Variants in HS3ST4 observed in about 807,000 individuals in gnomAD.
The protein encoded by HS3ST4 is heparan sulfate glucosamine 3-O-sulfotransferase 4.
HS3ST4 carries 17 observed loss-of-function variants against 29.2 expected under a neutral mutation model. That is an observed-to-expected ratio of 0.58 (90% CI 0.40 to 0.87). The LOEUF is 0.87. HS3ST4 is among the 40% of genes least tolerant of loss of function. The pLI, the probability that HS3ST4 is intolerant of heterozygous loss-of-function variation, is 0.00. For synonymous variants in HS3ST4, 314 were observed against 285.7 expected, an observed-to-expected ratio of 1.10 and a Z score of -1.00; for missense variants, 627 against 634.5, an observed-to-expected ratio of 0.99 and a Z score of 0.13.
chr16:25,802,121 CAT>C (rs1290791855), intron 1 of HS3ST4, among the ~76,000 whole-genome samples: 2 of 151,670 alleles, frequency 1.3e-5, no homozygotes, highest in Admixed American at 6.6e-5. Context: ...CAGCAAATAA[CAT>C]ATTAAAAATT....
intron 1 of HS3ST4, among the ~76,000 whole-genome samples, chr16:26,120,235 C>G (rs1337157183): frequency 6.6e-6 from 1 of 152,130 alleles, no homozygotes; most frequent in African/African-American, 2.4e-5. Context: ...CATCATTTCT[C>G]CCTCTGTTAT....
intron 1 of HS3ST4, among the ~76,000 whole-genome samples, chr16:25,948,496 A>C (rs897334864): frequency 6.6e-6 from 1 of 152,094 alleles, no homozygotes; most frequent in African/African-American, 2.4e-5. Flanking sequence ...AATTCCAGTC[A>C]TACATGGTCC....
At chr16:26,052,906 A>G in intron 1 of HS3ST4, among the ~76,000 whole-genome samples, 1 of 152,212 alleles carries the variant, frequency 6.6e-6, no homozygotes, top group Non-Finnish European at 1.5e-5. Flanking sequence ...GGGGATTTCC[A>G]ATTTACTAAA....
chr16:26,026,539 A>T (rs1306973725), intron 1 of HS3ST4, among the ~76,000 whole-genome samples: 2 of 152,166 alleles, frequency 1.3e-5, no homozygotes, highest in African/African-American at 4.8e-5. Flanking sequence ...CATGAAACAG[A>T]TACAGCAATA....
chr16:25,856,517 A>G (rs1967575437), intron 1 of HS3ST4, among the ~76,000 whole-genome samples: 1 of 152,186 alleles, frequency 6.6e-6, no homozygotes, highest in African/African-American at 2.4e-5. Flanking sequence ...GGAGAATGCT[A>G]TGTCCAGAGA....
chr16:26,077,598 T>C (rs905656529), intron 1 of HS3ST4, among the ~76,000 whole-genome samples: 2 of 152,266 alleles, frequency 1.3e-5, no homozygotes, highest in Admixed American at 6.5e-5. Context: ...GAATATCAGC[T>C]CCATGAAAGC....
chr16:26,002,792 A>G (rs140512143), intron 1 of HS3ST4, among the ~76,000 whole-genome samples: 1,853 of 151,992 alleles, frequency 0.012, 44 homozygotes, highest in African/African-American at 0.043. Context: ...AAAGAAAGAA[A>G]AAGAAAGAAG....
rs370800593 is a variant in HS3ST4, at chr16:25,769,620, C to T, written c.734+76469C>T. ...TGTTCCGGCACCAGCACCCTTCCTA[C>T]GGAAAGGATTTGAAAAGGAAGCCTT... On this transcript the variant is annotated intron_variant, in intron 1 of 1. Coordinates refer to ENST00000331351, the MANE Select transcript of HS3ST4 (RefSeq NM_006040.3). Among the ~76,000 whole-genome samples the T allele has an allele frequency of 4.3e-4, 65 of 152,276 alleles. 2 individuals carry two copies. The South Asian group carries it at 0.01, about 24-fold the overall frequency.
chr16:25,956,207 A>G (rs1164296646), intron 1 of HS3ST4, among the ~76,000 whole-genome samples: 1 of 152,232 alleles, frequency 6.6e-6, no homozygotes, highest in Non-Finnish European at 1.5e-5. Context: ...CTTCAACAAC[A>G]TGAAACATTG....
In HS3ST4 at chr16:25,757,998, C is replaced by T. The variant is rs189726585; in HGVS notation, c.734+64847C>T. ...AAGCGGCACACAATCCCTGTGTGTG[C>T]CTTCTCCCCTGCCTCTCTCCAGAGC... On this transcript the variant is annotated intron_variant, in intron 1 of 1. Coordinates refer to ENST00000331351, the MANE Select transcript of HS3ST4 (RefSeq NM_006040.3). 2.5e-3 allele frequency among the ~76,000 whole-genome samples: 378 copies of T among 152,148 alleles called. 2 individuals are homozygous for T. The highest frequency in any genetic ancestry group is 8.7e-3 in the African/African-American group (362 of 41,530).
intron 1 of HS3ST4, among the ~76,000 whole-genome samples, chr16:25,839,193 G>T (rs976473860): frequency 8.5e-5 from 13 of 152,178 alleles, no homozygotes; most frequent in Non-Finnish European, 1.8e-4. Context: ...TTGGAACAAA[G>T]ATAATATATT....
At chr16:26,090,589 G>C (rs6497915) in intron 1 of HS3ST4, among the ~76,000 whole-genome samples, 81,865 of 151,542 alleles carry the variant, frequency 0.54, 22,853 homozygotes, top group African/African-American at 0.67. Context: ...ATTCAAAAAG[G>C]TGACCTGCAA....
chr16:26,111,513 A>G (rs1211373471), intron 1 of HS3ST4, among the ~76,000 whole-genome samples: 1 of 152,060 alleles, frequency 6.6e-6, no homozygotes, highest in Non-Finnish European at 1.5e-5. Flanking sequence ...AAGCATATTG[A>G]AGCTATAATG....
At chr16:25,710,669 T>C (rs1414644045) in intron 1 of HS3ST4, among the ~76,000 whole-genome samples, 2 of 152,072 alleles carry the variant, frequency 1.3e-5, no homozygotes, top group Admixed American at 6.5e-5. Context: ...CCTGGTTTCT[T>C]GCTACTTATT....
intron 1 of HS3ST4, among the ~76,000 whole-genome samples, chr16:25,795,675 G>A (rs1966882567): frequency 6.6e-6 from 1 of 152,142 alleles, no homozygotes; most frequent in African/African-American, 2.4e-5. Flanking sequence ...AGGGTTTCTG[G>A]AGGCTATTAT....
Position 25,693,034 on chromosome 16 carries a change from A to G in HS3ST4, c.617A>G (p.Lys206Arg). ...CCACAGGCGCTCATCATCGGGGTCA[A>G]GAAAGGAGGGACCCGCGCGCTGCTG... ...KLPQALIIGV[K>R]KGGTRALLEA... Residue 206 changes from lysine (K) to arginine (R), a missense_variant, in exon 1 of 2, where the codon AAG (lysine) becomes AGG (arginine). Around this residue, in one of 2 missense-constraint regions of HS3ST4, gnomAD observed 402 missense variants for 340.8 expected, o/e 1.18. Coordinates refer to ENST00000331351, the MANE Select transcript of HS3ST4 (RefSeq NM_006040.3). 1 of 1,611,478 alleles carries G rather than the reference A, an allele frequency of 6.2e-7. No homozygotes were observed. Among genetic ancestry groups the G allele is most frequent in the Non-Finnish European group, 8.5e-7 (1 of 1,179,168 alleles).
intron 1 of HS3ST4, among the ~76,000 whole-genome samples, chr16:25,986,901 G>C (rs1046455003): frequency 2.0e-5 from 3 of 152,182 alleles, no homozygotes; most frequent in African/African-American, 7.2e-5. Flanking sequence ...TCTCAGGCTT[G>C]GCAATTACAT....
chr16:25,707,092 T>C (rs1319912481), intron 1 of HS3ST4, among the ~76,000 whole-genome samples: 1 of 152,202 alleles, frequency 6.6e-6, no homozygotes, highest in Non-Finnish European at 1.5e-5. Context: ...ACTCAGCAGC[T>C]GTCTTGGTTA....
At chr16:26,004,622 C>T (rs1470332871) in intron 1 of HS3ST4, among the ~76,000 whole-genome samples, 1 of 152,164 alleles carries the variant, frequency 6.6e-6, no homozygotes, top group Non-Finnish European at 1.5e-5. Context: ...AGTGTCATCT[C>T]CATGCCAATA....
Sources: gnomAD v4.1 joint callset for allele counts (sites outside exome capture counted in the v4.1 genomes callset) on GRCh38, gnomAD v4.1.1 for gene constraint, gnomAD v4.1.1 regional missense constraint, MANE v1.5 for transcripts, NCBI Gene and HGNC (gene_info 2026-07-23, HGNC 2026-07-21) for gene names.